The following FOXP2 variants were observed in gnomAD, a reference collection of about 807,000 sequenced individuals.
FOXP2 encodes forkhead box P2, also known as forkhead box protein P2.
Under a neutral mutation model 115.8 loss-of-function variants are expected in FOXP2, and 12 were observed. The observed-to-expected ratio is 0.10, with a 90% confidence interval of 0.07 to 0.17. The LOEUF (loss-of-function observed/expected upper bound fraction) is 0.17, where lower values mean the gene tolerates loss of function less well. FOXP2 is among the 10% of genes least tolerant of loss of function. The pLI is 1.00. For missense variants in FOXP2, 629 were observed against 843.5 expected (o/e 0.75, Z 3.15); for synonymous variants, 328 against 297.7 (o/e 1.10, Z -1.05).
In FOXP2 at chr7:114,190,993, A is replaced by G. The variant is rs138607163; in HGVS notation, c.-102+27905A>G. On this transcript the variant is annotated intron_variant, in intron 1 of 17. Coordinates refer to the FOXP2 transcript ENST00000634411. ...TCCAGAGGTACCTAGTCCCCAGAAG[A>G]TCTGGGGATATCTGTGGTATGGATC... 4.6e-3 allele frequency among the ~76,000 whole-genome samples: 695 copies of G among 152,166 alleles called. 6 individuals carry two copies. The highest frequency in any genetic ancestry group is 0.016 in the African/African-American group (660 of 41,524).
chr7:114,528,053 G>A (rs1047418247), intron 2 of FOXP2, among the ~76,000 whole-genome samples: 6 of 151,990 alleles, frequency 3.9e-5, no homozygotes, highest in East Asian at 1.9e-4. Flanking sequence ...GTTCTTACCT[G>A]CTATATAACA....
At position 114,626,531 on chromosome 7, in the gene FOXP2, ATCTCTCTC is replaced by A. The variant is rs35087540; in HGVS notation, c.259-1995_259-1988del. Among the ~76,000 whole-genome samples, 9 of 147,416 alleles carry A rather than the reference ATCTCTCTC, an allele frequency of 6.1e-5. No individual in the cohort carries two copies. In the East Asian group the frequency reaches 1.8e-3, roughly 29 times the overall value. On this transcript the variant is annotated intron_variant, in intron 3 of 16. Coordinates refer to ENST00000350908, the MANE Select transcript of FOXP2 (RefSeq NM_014491.4). The stretch of plus-strand genomic sequence containing the variant: ...CTATGATTAACTTTATAGAAGGCAT[ATCTCTCTC>A]TCTCTCTCTCTCTGTCTCTCTCTCT...
intron 16 of FOXP2, among the ~76,000 whole-genome samples, chr7:114,681,700 G>A (rs1459722074): frequency 6.6e-6 from 1 of 151,966 alleles, no homozygotes; most frequent in Non-Finnish European, 1.5e-5. Flanking sequence ...AGAATTTGTT[G>A]GTAAATAATT....
chr7:114,601,643 C>G (rs543456915), intron 3 of FOXP2, among the ~76,000 whole-genome samples: 1 of 151,988 alleles, frequency 6.6e-6, no homozygotes. Context: ...CCCTTTAACA[C>G]GCATTAGCTT....
At chr7:114,221,716 A>G (rs1374002547) in intron 1 of FOXP2, among the ~76,000 whole-genome samples, 3 of 152,134 alleles carry the variant, frequency 2.0e-5, no homozygotes, top group Non-Finnish European at 2.9e-5. Context: ...TCTTCCTTTT[A>G]TCTAATTAAA....
intron 1 of FOXP2, among the ~76,000 whole-genome samples, chr7:114,223,374 G>A (rs1794668697): frequency 6.7e-6 from 1 of 150,230 alleles, no homozygotes; most frequent in Admixed American, 6.7e-5. Flanking sequence ...CTTTTTATTT[G>A]TTTGTTTATT....
chr7:114,153,202 A>G (rs987326411), intron 1 of FOXP2, among the ~76,000 whole-genome samples: 1 of 152,022 alleles, frequency 6.6e-6, no homozygotes, highest in Non-Finnish European at 1.5e-5. Flanking sequence ...GGTAGAATAA[A>G]TTTTTTCCTT....
intron 1 of FOXP2, among the ~76,000 whole-genome samples, chr7:114,194,917 T>C (rs1793865033): frequency 6.6e-6 from 1 of 152,188 alleles, no homozygotes; most frequent in Admixed American, 6.5e-5. Context: ...GTTATTCTTT[T>C]GCAAAATTGC....
chr7:114,384,324 T>C (rs914468532), intron 2 of FOXP2, among the ~76,000 whole-genome samples: 4 of 152,196 alleles, frequency 2.6e-5, no homozygotes, highest in African/African-American at 7.2e-5. Flanking sequence ...TAAACAACAG[T>C]TCTTATGCAA....
chr7:114,271,730 T>C (rs1342342752), intron 1 of FOXP2, among the ~76,000 whole-genome samples: 1 of 117,848 alleles, frequency 8.5e-6, no homozygotes, highest in East Asian at 2.2e-4. Flanking sequence ...GTATTAAATA[T>C]ATATTAAATA....
intron 10 of FOXP2, chr7:114,656,431 A>C (rs146946840): frequency 9.3e-6 from 4 of 428,010 alleles, no homozygotes; most frequent in South Asian, 6.7e-5. Context: ...TCTGATGTTG[A>C]TATTTTAGAA....
chr7:114,211,051 G>A (rs527951942), intron 1 of FOXP2, among the ~76,000 whole-genome samples: 1 of 152,288 alleles, frequency 6.6e-6, no homozygotes, highest in Non-Finnish European at 1.5e-5. Flanking sequence ...CCTCCCTCTG[G>A]GAACTCGGAC....
intron 1 of FOXP2, among the ~76,000 whole-genome samples, chr7:114,108,566 G>C (rs1037865809): frequency 3.3e-5 from 5 of 151,784 alleles, no homozygotes; most frequent in Non-Finnish European, 7.4e-5. Context: ...TAAGGTGTTT[G>C]GGAATGTATT....
chr7:114,648,968 AGCTTGC>A (rs1320529362), intron 8 of FOXP2, among the ~76,000 whole-genome samples: 1 of 152,062 alleles, frequency 6.6e-6, no homozygotes, highest in East Asian at 1.9e-4. Flanking sequence ...AGAATTCCAG[AGCTTGC>A]TTTGCTCTTA....
intron 1 of FOXP2, among the ~76,000 whole-genome samples, chr7:114,215,089 C>T (rs1352985888): frequency 2.6e-5 from 4 of 151,872 alleles, no homozygotes; most frequent in Non-Finnish European, 2.9e-5. Context: ...GTAGGAGGCA[C>T]CTTATAAGGA....
intron 2 of FOXP2, among the ~76,000 whole-genome samples, chr7:114,465,929 A>G (rs530930630): frequency 6.6e-6 from 1 of 152,314 alleles, no homozygotes; most frequent in East Asian, 1.9e-4. Context: ...CCATCTGTTG[A>G]GGCTCACTGC....
At chr7:114,418,798 A>G (rs1793468941) in intron 1 of FOXP2, among the ~76,000 whole-genome samples, 1 of 151,914 alleles carries the variant, frequency 6.6e-6, no homozygotes, top group African/African-American at 2.4e-5. Flanking sequence ...AAGTATACTT[A>G]TAAGAATGAT....
intron 3 of FOXP2, among the ~76,000 whole-genome samples, chr7:114,593,643 A>G (rs1802549033): frequency 6.6e-6 from 1 of 152,136 alleles, no homozygotes; most frequent in East Asian, 1.9e-4. Context: ...TTCACATACA[A>G]TGTATTTCCC....
At chr7:114,689,143 C>G (rs1808526974) in intron 16 of FOXP2, among the ~76,000 whole-genome samples, 1 of 152,104 alleles carries the variant, frequency 6.6e-6, no homozygotes, top group Admixed American at 6.6e-5. Flanking sequence ...ATTGCTGTGG[C>G]TGGTGTATTC....
Sources: allele counts gnomAD v4.1 joint callset (sites outside exome capture counted in the v4.1 genomes callset), GRCh38; gene constraint gnomAD v4.1.1; transcripts MANE v1.5; gene names NCBI Gene and HGNC (gene_info 2026-07-23, HGNC 2026-07-21).